Variants in TMEM45A observed in about 807,000 individuals in gnomAD.
TMEM45A encodes the protein DNA polymerase-transactivated protein 4.
TMEM45A carries 25 observed loss-of-function variants against 32.0 expected under a neutral mutation model. The ratio of observed to expected loss-of-function variants is 0.78; its 90% CI spans 0.57 to 1.09. TMEM45A has a LOEUF of 1.09. TMEM45A is among the 50% of genes least tolerant of loss of function. The pLI, the probability that TMEM45A is intolerant of heterozygous loss-of-function variation, is 0.00. For missense variants in TMEM45A, 302 were observed against 325.0 expected, an observed-to-expected ratio of 0.93 and a Z score of 0.54; for synonymous variants, 122 against 114.8, an observed-to-expected ratio of 1.06 and a Z score of -0.40.
chr3:100,566,140 G>A (rs574691484), intron 4 of TMEM45A, among the ~76,000 whole-genome samples: 5 of 150,962 alleles, frequency 3.3e-5, no homozygotes, highest in African/African-American at 1.2e-4. Context: ...CCTTGTATGA[G>A]TATACTGCAT....
At chr3:100,521,321 C>G (rs182494600) in intron 1 of TMEM45A, among the ~76,000 whole-genome samples, 1 of 151,882 alleles carries the variant, frequency 6.6e-6, no homozygotes, top group East Asian at 1.9e-4. Flanking sequence ...ATGGTGCAAT[C>G]TTGGCTCACC....
chr3:100,515,600 C>T (rs1195514216), intron 1 of TMEM45A, among the ~76,000 whole-genome samples: 1 of 148,224 alleles, frequency 6.7e-6, no homozygotes, highest in African/African-American at 2.5e-5. Flanking sequence ...GCACATTGTG[C>T]ACATGTACCC....
intron 1 of TMEM45A, among the ~76,000 whole-genome samples, chr3:100,497,417 T>A (rs997721186): frequency 2.6e-5 from 4 of 152,142 alleles, no homozygotes; most frequent in Admixed American, 1.3e-4. Context: ...AACATAAAAT[T>A]TACCATCTTA....
intron 1 of TMEM45A, among the ~76,000 whole-genome samples, chr3:100,532,646 T>C (rs1261835215): frequency 1.3e-5 from 2 of 152,136 alleles, no homozygotes; most frequent in African/African-American, 4.8e-5. Flanking sequence ...ATTGTTCTTG[T>C]TATGGTTGTT....
intron 1 of TMEM45A, among the ~76,000 whole-genome samples, chr3:100,506,838 G>C (rs889785224): frequency 6.6e-6 from 1 of 152,196 alleles, no homozygotes; most frequent in East Asian, 1.9e-4. Context: ...AGAGCAGTAA[G>C]GACCAAACCA....
Position 100,577,205 on chromosome 3 carries a change from G to A in TMEM45A, c.*187G>A. Reference sequence around the variant, plus strand: ...CTTTTTAGCTTTGAAAATATTTTGGGTGATACTTTCATTTTGCACATCATG... The same window carrying A: ...CTTTTTAGCTTTGAAAATATTTTGGATGATACTTTCATTTTGCACATCATG... On this transcript the variant is annotated 3_prime_UTR_variant, in exon 6 of 6. Coordinates refer to ENST00000323523, the MANE Select transcript of TMEM45A (RefSeq NM_018004.3). 2.0e-6 allele frequency: 1 copy of A among 505,578 alleles called. No homozygotes were observed. Among genetic ancestry groups the A allele is most frequent in the Non-Finnish European group, 3.4e-6 (1 of 291,474 alleles). 31.3% of individuals were successfully genotyped at this position (505,578 alleles called of 1,614,324 possible).
intron 1 of TMEM45A, among the ~76,000 whole-genome samples, chr3:100,544,451 T>C (rs1449794323): frequency 6.6e-6 from 1 of 152,158 alleles, no homozygotes; most frequent in Non-Finnish European, 1.5e-5. Flanking sequence ...GGTTGTCTAA[T>C]TATTGTCACG....
chr3:100,550,450 T>C (rs1576284970), intron 1 of TMEM45A, among the ~76,000 whole-genome samples: 1 of 152,318 alleles, frequency 6.6e-6, no homozygotes, highest in African/African-American at 2.4e-5. Flanking sequence ...GTTTAGTGTA[T>C]TGGAATTTAC....
At chr3:100,554,420 G>A (rs1478463382) in intron 1 of TMEM45A, among the ~76,000 whole-genome samples, 1 of 152,212 alleles carries the variant, frequency 6.6e-6, no homozygotes, top group East Asian at 1.9e-4. Flanking sequence ...TTGCAGATAT[G>A]CCACACCAAG....
At chr3:100,508,118 G>T (rs1233279566) in intron 1 of TMEM45A, among the ~76,000 whole-genome samples, 1 of 151,886 alleles carries the variant, frequency 6.6e-6, no homozygotes, top group Admixed American at 6.6e-5. Context: ...AAGGGAGAGA[G>T]CCCCATGTTC....
At chr3:100,568,660 T>TAAATATAGTAATATAGAG (rs1339526897) in intron 4 of TMEM45A, among the ~76,000 whole-genome samples, 162 bp from the exon 5 acceptor site, 6 of 152,238 alleles carry the variant, frequency 3.9e-5, no homozygotes, top group Admixed American at 6.5e-5. Context: ...AGAGACTCTC[T>TAAATATAGTAATATAGAG]ATATTACTAA....
chr3:100,539,013 G>C (rs1475594015), intron 1 of TMEM45A, among the ~76,000 whole-genome samples: 2 of 152,080 alleles, frequency 1.3e-5, no homozygotes, highest in Non-Finnish European at 1.5e-5. Flanking sequence ...ATATTGTTAA[G>C]ATGTCATTTC....
At chr3:100,526,064 T>A (rs1470552638) in intron 1 of TMEM45A, among the ~76,000 whole-genome samples, 2 of 152,202 alleles carry the variant, frequency 1.3e-5, no homozygotes, top group Non-Finnish European at 2.9e-5. Flanking sequence ...CAGCAGCCAC[T>A]TAACCAGTTT....
intron 1 of TMEM45A, among the ~76,000 whole-genome samples, chr3:100,523,948 T>C (rs139103746): frequency 6.6e-6 from 1 of 152,296 alleles, no homozygotes; most frequent in East Asian, 1.9e-4. Flanking sequence ...AGTGCCACCA[T>C]TTTGTTTGGT....
intron 1 of TMEM45A, among the ~76,000 whole-genome samples, chr3:100,498,018 T>A (rs1481035963): frequency 6.6e-6 from 1 of 152,194 alleles, no homozygotes; most frequent in Non-Finnish European, 1.5e-5. Flanking sequence ...GGGAGGGACC[T>A]GGTGGGAGGT....
At chr3:100,518,180 T>C (rs1705340450) in intron 1 of TMEM45A, among the ~76,000 whole-genome samples, 1 of 152,194 alleles carries the variant, frequency 6.6e-6, no homozygotes, top group African/African-American at 2.4e-5. Flanking sequence ...TCATTTTGCT[T>C]CTGGGCCCCA....
At chr3:100,537,584 T>G (rs985249847) in intron 1 of TMEM45A, among the ~76,000 whole-genome samples, 5 of 152,118 alleles carry the variant, frequency 3.3e-5, no homozygotes, top group African/African-American at 1.2e-4. Flanking sequence ...AGTGTCCTCC[T>G]GAGAATTGGT....
chr3:100,538,056 A>G (rs1382211563), intron 1 of TMEM45A, among the ~76,000 whole-genome samples: 2 of 152,206 alleles, frequency 1.3e-5, no homozygotes, highest in Non-Finnish European at 2.9e-5. Context: ...AGATTGCTAT[A>G]AGGAAAGGTC....
At chr3:100,517,559 A>G (rs1485355544) in intron 1 of TMEM45A, among the ~76,000 whole-genome samples, 1 of 152,228 alleles carries the variant, frequency 6.6e-6, no homozygotes, top group African/African-American at 2.4e-5. Context: ...ACGTTTAGAA[A>G]TATCCTCTTT....
Sources: allele counts gnomAD v4.1 joint callset (sites outside exome capture counted in the v4.1 genomes callset), GRCh38; gene constraint gnomAD v4.1.1; transcripts MANE v1.5; gene names NCBI Gene and HGNC (gene_info 2026-07-23, HGNC 2026-07-21).